The following TMEM132D variants were observed in gnomAD, a reference collection of about 807,000 sequenced individuals.
TMEM132D encodes the protein mature OL transmembrane protein.
In TMEM132D, 21 loss-of-function variants were observed where a neutral mutation model predicts 62.3. The ratio of observed to expected loss-of-function variants is 0.34; its 90% CI spans 0.24 to 0.49. The LOEUF is 0.49. Ranked by LOEUF, TMEM132D falls within the 20% of genes least tolerant of loss-of-function variation. TMEM132D has a pLI of 0.99. For synonymous variants in TMEM132D, 621 were observed against 575.6 expected (o/e 1.08, Z -1.13); for missense variants, 1,346 against 1,402.8 (o/e 0.96, Z 0.65).
At chr12:129,348,016 T>C (rs1363852231) in intron 3 of TMEM132D, among the ~76,000 whole-genome samples, 2 of 152,144 alleles carry the variant, frequency 1.3e-5, no homozygotes, top group Admixed American at 6.5e-5. Flanking sequence ...TACCATCTCC[T>C]GCCAGTCAGA....
At chr12:129,641,921 G>A (rs1593101555) in intron 2 of TMEM132D, among the ~76,000 whole-genome samples, 1 of 152,116 alleles carries the variant, frequency 6.6e-6, no homozygotes, top group African/African-American at 2.4e-5. Flanking sequence ...AGCTCATTTT[G>A]TAACTTACTG....
intron 3 of TMEM132D, among the ~76,000 whole-genome samples, chr12:129,447,218 T>A (rs1873124558): frequency 6.6e-6 from 1 of 152,166 alleles, no homozygotes; most frequent in Non-Finnish European, 1.5e-5. Context: ...TTTATCCAAT[T>A]TTTTTTACTG....
Position 129,507,553 on chromosome 12 carries a change from CG to C in TMEM132D, c.1115+23505del, listed in dbSNP as rs756652180. Among the ~76,000 whole-genome samples, 332 of 152,192 alleles carry C rather than the reference CG, an allele frequency of 2.2e-3. 2 individuals carry two copies. The highest frequency in any genetic ancestry group is 2.5e-3 in the Non-Finnish European group (170 of 68,008). On this transcript the variant is annotated intron_variant, in intron 3 of 8. Coordinates refer to ENST00000422113, the MANE Select transcript of TMEM132D (RefSeq NM_133448.3). ...TAAGAAGTAATGAATTAATGGCATT[CG>C]CAGCAACCTGGATGAGATTGGAGAC...
chr12:129,790,057 G>T (rs1871358652), intron 1 of TMEM132D, among the ~76,000 whole-genome samples: 1 of 152,204 alleles, frequency 6.6e-6, no homozygotes, highest in Non-Finnish European at 1.5e-5. Flanking sequence ...CGCCAGCAGG[G>T]ATGGACTCCA....
chr12:129,815,782 T>C (rs1005907225), intron 1 of TMEM132D, among the ~76,000 whole-genome samples: 5 of 152,218 alleles, frequency 3.3e-5, no homozygotes, highest in Non-Finnish European at 7.3e-5. Context: ...GTCTACATTG[T>C]TGGAATTTTC....
At chr12:129,716,875 C>G (rs1868597978) in intron 1 of TMEM132D, among the ~76,000 whole-genome samples, 1 of 152,180 alleles carries the variant, frequency 6.6e-6, no homozygotes. Flanking sequence ...TAGAAGACAA[C>G]TATAAACGAA....
chr12:129,898,175 G>A (rs114700754), intron 1 of TMEM132D, among the ~76,000 whole-genome samples: 1,742 of 152,252 alleles, frequency 0.011, 32 homozygotes, highest in African/African-American at 0.038. Context: ...TTCCTGCGGC[G>A]CTCTGAATTA....
intron 2 of TMEM132D, among the ~76,000 whole-genome samples, chr12:129,621,573 C>T (rs186818729): frequency 6.6e-6 from 1 of 152,334 alleles, no homozygotes; most frequent in African/African-American, 2.4e-5. Context: ...CTCCCCACTC[C>T]TCTGCCTTGG....
At chr12:129,739,522 G>T (rs754450021) in intron 1 of TMEM132D, among the ~76,000 whole-genome samples, 3 of 152,174 alleles carry the variant, frequency 2.0e-5, no homozygotes, top group Admixed American at 6.5e-5. Flanking sequence ...CTCTTCTGGG[G>T]ACACAAATGG....
chr12:129,645,192 G>A (rs1160911855), intron 2 of TMEM132D, among the ~76,000 whole-genome samples: 1 of 152,006 alleles, frequency 6.6e-6, no homozygotes, highest in Non-Finnish European at 1.5e-5. Flanking sequence ...ACCTCTGAAA[G>A]TCTGAAAAGA....
intron 3 of TMEM132D, among the ~76,000 whole-genome samples, chr12:129,415,673 C>T (rs574037793): frequency 6.6e-6 from 1 of 152,166 alleles, no homozygotes; most frequent in Non-Finnish European, 1.5e-5. Flanking sequence ...TTAGGTGGTG[C>T]CACAGAAACA....
chr12:129,903,892 C>T lies in TMEM132D; in HGVS notation c.-553G>A, dbSNP rs866464171. ...CCCCCATCCCAGGCCGGCCGCTGCG[C>T]CTCGGGGCTCGGGCGCGCGCGCGCT... On this transcript the variant is annotated 5_prime_UTR_variant, in exon 1 of 9. Coordinates refer to ENST00000422113, the MANE Select transcript of TMEM132D (RefSeq NM_133448.3). The surrounding 1 kb of genome is among the most constrained non-coding windows in gnomAD (Gnocchi z 6.2). 6.8e-6 allele frequency among the ~76,000 whole-genome samples: 1 copy of T among 147,050 alleles called. No homozygotes were observed. The highest frequency in any genetic ancestry group is 2.0e-4 in the East Asian group (1 of 4,992).
intron 2 of TMEM132D, among the ~76,000 whole-genome samples, chr12:129,593,880 A>T (rs762160900): frequency 6.6e-6 from 1 of 151,974 alleles, no homozygotes; most frequent in Non-Finnish European, 1.5e-5. Flanking sequence ...CAGGGTTTTT[A>T]AAGTTTTTAT....
intron 1 of TMEM132D, among the ~76,000 whole-genome samples, chr12:129,892,381 C>A (rs1236622952): frequency 6.6e-6 from 1 of 152,164 alleles, no homozygotes; most frequent in Non-Finnish European, 1.5e-5. Context: ...TGTCTAATAA[C>A]CTCATGCCAA....
At chr12:129,312,786 C>CTATA (rs2135636654) in intron 4 of TMEM132D, among the ~76,000 whole-genome samples, 1 of 152,268 alleles carries the variant, frequency 6.6e-6, no homozygotes, top group Admixed American at 6.5e-5. Context: ...CCCCCTCCAT[C>CTATA]CCCAAAGGAC....
chr12:129,879,457 G>A (rs1259133225), intron 1 of TMEM132D, among the ~76,000 whole-genome samples: 3 of 152,202 alleles, frequency 2.0e-5, no homozygotes, highest in African/African-American at 4.8e-5. Context: ...ACATCAAAGA[G>A]CTGAAGTTGC....
chr12:129,768,363 A>G (rs1186247848), intron 1 of TMEM132D, among the ~76,000 whole-genome samples: 1 of 151,816 alleles, frequency 6.6e-6, no homozygotes, highest in African/African-American at 2.4e-5. Context: ...CTGTCATCAC[A>G]TGTTCTCTTT....
At chr12:129,420,306 GTT>G (rs71082709) in intron 3 of TMEM132D, among the ~76,000 whole-genome samples, 31 of 112,306 alleles carry the variant, frequency 2.8e-4, no homozygotes, top group East Asian at 1.1e-3. Context: ...CACGTTCTCT[GTT>G]TTTTTTTTTT....
At chr12:129,574,319 T>A (rs1877598153) in intron 2 of TMEM132D, among the ~76,000 whole-genome samples, 3 of 152,024 alleles carry the variant, frequency 2.0e-5, no homozygotes, top group Middle Eastern at 3.4e-3. Context: ...CTGATAAACA[T>A]GACTGCACGT....
Sources: gnomAD v4.1 joint callset for allele counts (sites outside exome capture counted in the v4.1 genomes callset) on GRCh38, gnomAD v4.1.1 for gene constraint, Gnocchi (gnomAD v3.1) non-coding constraint, MANE v1.5 for transcripts, NCBI Gene and HGNC (gene_info 2026-07-23, HGNC 2026-07-21) for gene names.